Variants in KCNU1 observed in about 807,000 individuals in gnomAD.
KCNU1 encodes potassium channel subfamily U member 1.
KCNU1 carries 93 observed loss-of-function variants against 126.8 expected under a neutral mutation model. The ratio of observed to expected loss-of-function variants is 0.73; its 90% CI spans 0.62 to 0.87. The LOEUF is 0.87. Ranked by LOEUF, KCNU1 falls within the 40% of genes least tolerant of loss-of-function variation. The probability of loss-of-function intolerance (pLI) is 0.00; values close to 1 mark genes in which losing one functional copy is unlikely to be tolerated. For missense variants in KCNU1, 1,330 were observed against 1,367.1 expected (o/e 0.97, Z 0.43); for synonymous variants, 523 against 494.2 (o/e 1.06, Z -0.77).
intron 19 of KCNU1, chr8:36,888,561 G>A (rs1585516061): frequency 1.9e-6 from 1 of 533,790 alleles, no homozygotes; most frequent in African/African-American, 1.9e-5. Flanking sequence ...AATGGGCTGT[G>A]CCTGGAAGTG....
intron 18 of KCNU1, among the ~76,000 whole-genome samples, chr8:36,857,225 AG>A (rs1805558479): frequency 6.6e-6 from 1 of 152,192 alleles, no homozygotes; most frequent in African/African-American, 2.4e-5. Flanking sequence ...GGAGTCAGGG[AG>A]ATTAATGCTT....
intron 22 of KCNU1, among the ~76,000 whole-genome samples, chr8:36,911,400 C>A (rs979882216): frequency 6.6e-6 from 1 of 151,968 alleles, no homozygotes; most frequent in African/African-American, 2.4e-5. Flanking sequence ...GAAGTGTTAT[C>A]ATTTTTGTTG....
chr8:36,848,007 T>C (rs1249061904), intron 18 of KCNU1, among the ~76,000 whole-genome samples: 2 of 152,212 alleles, frequency 1.3e-5, no homozygotes, highest in Admixed American at 1.3e-4. Flanking sequence ...TTCATGATAG[T>C]CATTGTAACT....
intron 19 of KCNU1, among the ~76,000 whole-genome samples, chr8:36,902,163 C>G (rs946572261): frequency 1.3e-5 from 2 of 152,054 alleles, no homozygotes; most frequent in Non-Finnish European, 2.9e-5. Context: ...TGGGTTTCCT[C>G]CAGCATTTTT....
intron 10 of KCNU1, among the ~76,000 whole-genome samples, chr8:36,827,797 A>C (rs755959084): frequency 6.6e-6 from 1 of 152,152 alleles, no homozygotes; most frequent in Admixed American, 6.5e-5. Flanking sequence ...ATAAGGACTG[A>C]TAATTTCAGA....
chr8:36,922,477 T>TA lies in KCNU1; in HGVS notation c.2597-13_2597-12insA. 6.2e-7 allele frequency: 1 copy of TA among 1,608,768 alleles called. No individual in the cohort carries two copies. The highest frequency in any genetic ancestry group is 8.5e-7 in the Non-Finnish European group (1 of 1,177,886). ...GATCTGCTTGTCTTTCCTTTTTGCCTCTTGCCTTGCAGAAAATCCTTCCAA... is the reference window on the plus strand; with the variant it reads ...GATCTGCTTGTCTTTCCTTTTTGCCTACTTGCCTTGCAGAAAATCCTTCCAA... On this transcript the variant is annotated splice_polypyrimidine_tract_variant and intron_variant, in intron 23 of 26. Coordinates refer to ENST00000399881, the MANE Select transcript of KCNU1 (RefSeq NM_001031836.3).
rs945631373 is a variant in KCNU1, at chr8:36,814,495, T to A, written c.903+118T>A. On this transcript the variant is annotated intron_variant, in intron 8 of 26. Coordinates refer to ENST00000399881, the MANE Select transcript of KCNU1 (RefSeq NM_001031836.3). ...TGAATGTTGCATTACTTGGGGCACA[T>A]GTCAAGGGCAAATGAAAACATGCAC... is the stretch of plus-strand genomic sequence containing the variant. 4 of 722,292 alleles carry A rather than the reference T, an allele frequency of 5.5e-6. No homozygotes were observed. In the African/African-American group the frequency reaches 7.1e-5, roughly 13 times the overall value. 44.7% of individuals were successfully genotyped at this position (722,292 alleles called of 1,614,324 possible). A position where few individuals can be genotyped will look rare whatever the true frequency, so the allele number is the denominator to read the frequency against.
chr8:36,886,561 C>G (rs1285286272), intron 19 of KCNU1, among the ~76,000 whole-genome samples: 1 of 151,936 alleles, frequency 6.6e-6, no homozygotes, highest in East Asian at 1.9e-4. Flanking sequence ...AACAGGTTGG[C>G]AAAACAAACG....
At chr8:36,877,691 T>C (rs918941256) in intron 19 of KCNU1, among the ~76,000 whole-genome samples, 52 of 151,874 alleles carry the variant, frequency 3.4e-4, no homozygotes, top group Admixed American at 3.3e-3. Context: ...GTGTGGTCTT[T>C]CCATATCTAC....
At chr8:36,916,221 A>C (rs1363883780) in intron 22 of KCNU1, among the ~76,000 whole-genome samples, 1 of 148,256 alleles carries the variant, frequency 6.7e-6, no homozygotes, top group African/African-American at 2.5e-5. Flanking sequence ...GAAGGGAAGG[A>C]AAGGGAAGGC....
intron 26 of KCNU1, among the ~76,000 whole-genome samples, chr8:36,934,615 GT>G (rs1808800359): frequency 2.0e-5 from 3 of 152,136 alleles, no homozygotes; most frequent in South Asian, 4.1e-4. Context: ...TTCAGCTGAT[GT>G]TTTTAAAAAT....
At chr8:36,849,079 C>T (rs1805251323) in intron 18 of KCNU1, among the ~76,000 whole-genome samples, 1 of 151,996 alleles carries the variant, frequency 6.6e-6, no homozygotes, top group Non-Finnish European at 1.5e-5. Context: ...TTTTCCTCAC[C>T]TCAAAAAGAA....
chr8:36,851,370 C>A (rs866031254), intron 18 of KCNU1, among the ~76,000 whole-genome samples: 1 of 129,500 alleles, frequency 7.7e-6, no homozygotes, highest in Middle Eastern at 3.9e-3. Context: ...TGTGGCACTT[C>A]CCTTCTCTCT....
At chr8:36,852,029 TA>T (rs1323711646) in intron 18 of KCNU1, among the ~76,000 whole-genome samples, 2 of 152,208 alleles carry the variant, frequency 1.3e-5, no homozygotes, top group Non-Finnish European at 2.9e-5. Flanking sequence ...AGATGCTCTT[TA>T]TTTGATTGTG....
At chr8:36,881,552 G>A (rs540970426) in intron 19 of KCNU1, among the ~76,000 whole-genome samples, 4 of 151,924 alleles carry the variant, frequency 2.6e-5, no homozygotes, top group African/African-American at 9.7e-5. Flanking sequence ...AAGAGGAGGG[G>A]GAAACATGAA....
intron 24 of KCNU1, among the ~76,000 whole-genome samples, chr8:36,925,832 C>T (rs576993934): frequency 1.3e-5 from 2 of 152,212 alleles, no homozygotes; most frequent in South Asian, 2.1e-4. Flanking sequence ...ATTTATTCTC[C>T]GTATGTGCTG....
chr8:36,918,782 G>A, intron 22 of KCNU1, 41 bp from the exon 23 acceptor site: 1 of 1,157,294 alleles, frequency 8.6e-7, no homozygotes, highest in South Asian at 1.3e-5. Context: ...AGTTTTGTAA[G>A]GCATTGTGTT....
intron 21 of KCNU1, 107 bp from the exon 22 acceptor site, chr8:36,910,823 A>G (rs1807841274): frequency 1.4e-6 from 1 of 696,162 alleles, no homozygotes; most frequent in Non-Finnish European, 2.4e-6. Context: ...CAAAGGTTGG[A>G]GCTCAAAGCT....
chr8:36,901,626 T>C (rs1054514234), intron 19 of KCNU1, among the ~76,000 whole-genome samples: 21 of 152,162 alleles, frequency 1.4e-4, no homozygotes, highest in Admixed American at 1.4e-3. Flanking sequence ...AAACTGTTCT[T>C]ATCCAGCAGC....
Sources: allele counts gnomAD v4.1 joint callset (sites outside exome capture counted in the v4.1 genomes callset), GRCh38; gene constraint gnomAD v4.1.1; transcripts MANE v1.5; gene names NCBI Gene and HGNC (gene_info 2026-07-23, HGNC 2026-07-21).